The following SIPA1L3 variants were observed in gnomAD, a reference collection of about 807,000 sequenced individuals.
The protein encoded by SIPA1L3 is signal-induced proliferation-associated 1-like protein 3.
Under a neutral mutation model 150.1 loss-of-function variants are expected in SIPA1L3, and 59 were observed. The observed-to-expected ratio is 0.39, with a 90% CI of 0.32 to 0.49. The LOEUF is 0.49. Among genes scored for constraint, SIPA1L3 ranks in the 20% least tolerant of loss-of-function variants. The pLI is 0.86. For missense variants in SIPA1L3, 2,211 were observed against 2,489.5 expected (o/e 0.89, Z 2.38); for synonymous variants, 1,070 against 1,077.6 (o/e 0.99, Z 0.14).
chr19:37,958,149 A>G (rs1485996451), intron 1 of SIPA1L3, among the ~76,000 whole-genome samples: 1 of 152,232 alleles, frequency 6.6e-6, no homozygotes, highest in Non-Finnish European at 1.5e-5. Context: ...AATACTACAA[A>G]TAGGCTGGGC....
At chr19:38,079,408 G>A (rs1969926655) in intron 2 of SIPA1L3, among the ~76,000 whole-genome samples, 1 of 152,226 alleles carries the variant, frequency 6.6e-6, no homozygotes, top group Non-Finnish European at 1.5e-5. Context: ...CATTTGAGTG[G>A]TGGACCTAGC....
chr19:38,087,273 G>A (rs1025957364), intron 3 of SIPA1L3, among the ~76,000 whole-genome samples: 1 of 152,214 alleles, frequency 6.6e-6, no homozygotes, highest in Non-Finnish European at 1.5e-5. Context: ...AACAACCCCT[G>A]TAGCTGCTTC....
At chr19:38,030,623 A>AATACATATATATATATAT (rs1250170240) in intron 2 of SIPA1L3, among the ~76,000 whole-genome samples, 2,332 of 42,090 alleles carry the variant, frequency 0.055, 211 homozygotes, top group South Asian at 0.084. Context: ...ATATGTGGCA[A>AATACATATATATATATAT]ATATATATAT....
intron 2 of SIPA1L3, among the ~76,000 whole-genome samples, chr19:38,038,732 A>T (rs887743529): frequency 3.9e-5 from 6 of 152,202 alleles, no homozygotes; most frequent in Non-Finnish European, 7.3e-5. Context: ...AAAATGTTTA[A>T]TAATGATTCC....
chr19:38,153,561 T>C (rs1438994491), intron 13 of SIPA1L3, among the ~76,000 whole-genome samples: 2 of 151,440 alleles, frequency 1.3e-5, no homozygotes, highest in African/African-American at 4.9e-5. Flanking sequence ...TCCCGGCTAC[T>C]TGGGAGGCTG....
chr19:38,157,127 T>C (rs1971967278), intron 13 of SIPA1L3, among the ~76,000 whole-genome samples: 1 of 151,934 alleles, frequency 6.6e-6, no homozygotes, highest in South Asian at 2.1e-4. Context: ...TCCACTACAC[T>C]CCAGCCTGGC....
chr19:38,138,603 G>GGTTTCA (rs1568570716), intron 10 of SIPA1L3, among the ~76,000 whole-genome samples: 2 of 151,464 alleles, frequency 1.3e-5, no homozygotes, highest in African/African-American at 4.9e-5. Flanking sequence ...GGGGGTTTTC[G>GGTTTCA]AAACAGTTCC....
chr19:38,105,661 G>A (rs1024934129), intron 6 of SIPA1L3, among the ~76,000 whole-genome samples: 7 of 152,202 alleles, frequency 4.6e-5, no homozygotes, highest in African/African-American at 1.7e-4. Context: ...CATGTCACAT[G>A]AATGGGATCA....
intron 1 of SIPA1L3, among the ~76,000 whole-genome samples, chr19:38,018,784 A>T: frequency 6.6e-6 from 1 of 152,056 alleles, no homozygotes; most frequent in Middle Eastern, 3.2e-3. Flanking sequence ...CTGTTTGCTT[A>T]CTTCTTTACT....
intron 1 of SIPA1L3, among the ~76,000 whole-genome samples, chr19:37,970,946 G>C (rs1966917618): frequency 6.6e-6 from 1 of 152,200 alleles, no homozygotes; most frequent in Admixed American, 6.5e-5. Context: ...GCTTTCATCT[G>C]CATGGTCCAG....
At chr19:38,138,319 G>A (rs918232702) in intron 10 of SIPA1L3, among the ~76,000 whole-genome samples, 5 of 152,212 alleles carry the variant, frequency 3.3e-5, no homozygotes, top group Admixed American at 1.3e-4. Flanking sequence ...ACCTTGGATG[G>A]GTTATTTAAC....
chr19:37,945,239 TG>T (rs1257117463), intron 1 of SIPA1L3, among the ~76,000 whole-genome samples: 4 of 151,846 alleles, frequency 2.6e-5, no homozygotes, highest in African/African-American at 9.7e-5. Context: ...TGTCTTAGGT[TG>T]TTTTTTTTTT....
intron 1 of SIPA1L3, among the ~76,000 whole-genome samples, chr19:38,020,870 C>G (rs1968358920): frequency 6.6e-6 from 1 of 152,070 alleles, no homozygotes; most frequent in African/African-American, 2.4e-5. Flanking sequence ...TGCAGTGGCA[C>G]TATCTTGGCT....
chr19:38,068,596 G>A (rs544745150), intron 2 of SIPA1L3, among the ~76,000 whole-genome samples: 3 of 152,092 alleles, frequency 2.0e-5, no homozygotes, highest in Non-Finnish European at 4.4e-5. Context: ...ATGGTGGTTT[G>A]CACCTGTAAC....
intron 2 of SIPA1L3, among the ~76,000 whole-genome samples, chr19:38,031,040 C>T: frequency 6.6e-6 from 1 of 152,176 alleles, no homozygotes; most frequent in East Asian, 1.9e-4. Context: ...TCCTGGCAGT[C>T]TTGCCTGGGT....
chr19:38,113,941 G>A lies in SIPA1L3; in HGVS notation c.2291+3557G>A, dbSNP rs1022658599. On this transcript the variant is annotated intron_variant, in intron 8 of 21. Coordinates refer to ENST00000222345, the MANE Select transcript of SIPA1L3 (RefSeq NM_015073.3). The stretch of plus-strand genomic sequence containing the variant: ...GTGTGCAATTTCCGAATGGCCACCC[G>A]CATCATCCCTGCAGCCTGTGGACTC... 9.9e-5 allele frequency among the ~76,000 whole-genome samples: 15 copies of A among 152,048 alleles called. No individual in the cohort carries two copies. In the South Asian group the frequency reaches 1.0e-3, roughly 11 times the overall value.
Position 38,193,653 on chromosome 19 carries a change from G to C in SIPA1L3, c.4713G>C (p.Val1571=), listed in dbSNP as rs755264114. ...AGLEPGLPSD[V]LFTSTCAFPS... is the part of the protein sequence containing the mutation. ...TAGAGCCAGGGCTGCCCAGCGACGT[G>C]CTCTTCACCAGCACCTGCGCCTTCC... is the stretch of plus-strand genomic sequence containing the variant. The change falls in exon 18 of 22, where the codon GTG becomes GTC. Residue 1571 remains valine, a synonymous_variant. Coordinates refer to ENST00000222345, the MANE Select transcript of SIPA1L3 (RefSeq NM_015073.3). The C allele has an allele frequency of 6.3e-7, 1 of 1,580,630 alleles. No individual in the cohort carries two copies. The highest frequency in any genetic ancestry group is 1.7e-5 in the Admixed American group (1 of 57,884).
At chr19:38,053,929 G>T (rs939523278) in intron 2 of SIPA1L3, among the ~76,000 whole-genome samples, 12 of 149,584 alleles carry the variant, frequency 8.0e-5, no homozygotes, top group Admixed American at 7.3e-4. Context: ...CGAAAGCAAT[G>T]GCAAAAACCG....
chr19:38,018,365 T>C (rs1430753590), intron 1 of SIPA1L3, among the ~76,000 whole-genome samples: 4 of 152,042 alleles, frequency 2.6e-5, no homozygotes, highest in Admixed American at 6.6e-5. Flanking sequence ...GGTTTCACCA[T>C]GTTGGCCAGG....
Sources: gnomAD v4.1 joint callset for allele counts (sites outside exome capture counted in the v4.1 genomes callset) on GRCh38, gnomAD v4.1.1 for gene constraint, MANE v1.5 for transcripts, NCBI Gene and HGNC (gene_info 2026-07-23, HGNC 2026-07-21) for gene names.